POLR2M: variants seen among roughly 807,000 people sequenced by gnomAD.
The protein encoded by POLR2M is RNA polymerase II subunit M.
A neutral mutation model predicts 34.6 loss-of-function variants in POLR2M; 30 were observed. The ratio of observed to expected loss-of-function variants is 0.87; its 90% CI spans 0.65 to 1.18. POLR2M has a LOEUF of 1.18. POLR2M is among the 50% of genes most tolerant of loss of function. The pLI is 0.00. For missense variants in POLR2M, 432 were observed against 448.7 expected, an observed-to-expected ratio of 0.96 and a Z score of 0.34; for synonymous variants, 150 against 166.7, an observed-to-expected ratio of 0.90 and a Z score of 0.77.
Position 57,706,785 on chromosome 15 carries a change from G to A in POLR2M, c.-58G>A, listed in dbSNP as rs1353030736. On this transcript the variant is annotated 5_prime_UTR_variant, in exon 1 of 4. Coordinates refer to ENST00000299638, the MANE Select transcript of POLR2M (RefSeq NM_015532.5). The stretch of plus-strand genomic sequence containing the variant: ...GCCGTCCGCGGATCCGGCGCTAGTA[G>A]CGGGGCCTGCCGAGGAAGCCGAGTG... 1 of 1,530,654 alleles carries A rather than the reference G, an allele frequency of 6.5e-7. No homozygotes were observed. Among genetic ancestry groups the A allele is most frequent in the Admixed American group, 2.0e-5 (1 of 50,158 alleles). 94.8% of individuals were successfully genotyped at this position (1,530,654 alleles called of 1,614,324 possible). A position where few individuals can be genotyped will look rare whatever the true frequency, so the allele number is the denominator to read the frequency against.
At position 57,706,768 on chromosome 15, in the gene POLR2M, C is replaced by G. The variant is rs1172724757; in HGVS notation, c.-75C>G. The G allele has an allele frequency of 1.3e-6, 2 of 1,498,334 alleles. No homozygotes were observed. The highest frequency in any genetic ancestry group is 2.1e-5 in the Admixed American group (1 of 46,996). The allele number at this position is 1,498,334 out of a possible 1,614,324, so 92.8% of individuals were successfully genotyped here. On this transcript the variant is annotated 5_prime_UTR_variant, in exon 1 of 4. Coordinates refer to ENST00000299638, the MANE Select transcript of POLR2M (RefSeq NM_015532.5). ...CGTGCCCCGGAGTCACCGCCGTCCG[C>G]GGATCCGGCGCTAGTAGCGGGGCCT... is the stretch of plus-strand genomic sequence containing the variant.
In POLR2M at chr15:57,714,560, C is replaced by T; in HGVS notation, c.988C>T (p.Gln330Ter). The change falls in exon 4 of 4, where the codon CAA (glutamine) becomes TAA (stop). Residue 330 changes from glutamine to a stop codon, truncating the protein, a stop_gained. Coordinates refer to ENST00000299638, the MANE Select transcript of POLR2M (RefSeq NM_015532.5). LOFTEE classifies it high-confidence loss of function. ...YEEMQAKLAA[Q>*]KLAERLNIKM... is the part of the protein sequence containing the mutation. ...GGAGATGCAAGCAAAGCTCGCAGCG[C>T]AAAAATTAGCTGAAAGACTGAATAT... The T allele has an allele frequency of 1.9e-6, 3 of 1,613,698 alleles. No individual in the cohort carries two copies. Among genetic ancestry groups the T allele is most frequent in the Non-Finnish European group, 2.5e-6 (3 of 1,179,826 alleles).
At position 57,716,842 on chromosome 15, in the gene POLR2M, C is replaced by T. The variant is rs2040966718; in HGVS notation, c.*2163C>T. The T allele has an allele frequency of 6.6e-6, 1 of 152,208 alleles. No individual in the cohort carries two copies. Among genetic ancestry groups the T allele is most frequent in the Non-Finnish European group, 1.5e-5 (1 of 68,002 alleles). 9.4% of individuals were successfully genotyped at this position (152,208 alleles called of 1,614,324 possible). A position where few individuals can be genotyped will look rare whatever the true frequency, so the allele number is the denominator to read the frequency against. On this transcript the variant is annotated 3_prime_UTR_variant, in exon 4 of 4. Coordinates refer to ENST00000299638, the MANE Select transcript of POLR2M (RefSeq NM_015532.5). ...AGAAGTTGTTTTCTTTAGGAGTCTA[C>T]CTTTGTGTATGTGCTTGAAAGTATT...
In POLR2M at chr15:57,709,042, T is replaced by A; in HGVS notation, c.442T>A (p.Tyr148Asn). 6.2e-7 allele frequency: 1 copy of A among 1,614,018 alleles called. No individual in the cohort carries two copies. Among genetic ancestry groups the A allele is most frequent in the Non-Finnish European group, 8.5e-7 (1 of 1,179,978 alleles). Residue 148 changes from tyrosine (Y) to asparagine (N), a missense_variant, in exon 2 of 4, where the codon TAC becomes AAC. Physicochemically the swap from Tyr to Asn is moderately radical, Grantham distance 143. Transcript: ENST00000299638. ...EGDEETSEVE[Y>N]TVNKGPASSN... Reference sequence around the variant, plus strand: ...TGATGAAGAGACTTCAGAGGTTGAGTACACAGTGAATAAGGGCCCAGCTTC... The same window carrying A: ...TGATGAAGAGACTTCAGAGGTTGAGAACACAGTGAATAAGGGCCCAGCTTC...
In POLR2M at chr15:57,708,924, T is replaced by G. The variant is rs765608765; in HGVS notation, c.324T>G (p.Thr108=). The change falls in exon 2 of 4, where the codon ACT becomes ACG. Residue 108 remains threonine (T), a synonymous_variant. Coordinates refer to ENST00000299638, the MANE Select transcript of POLR2M (RefSeq NM_015532.5). ...AGAATTCTGACCCGATACTTGATAC[T>G]TCATCACTAGTTCCTGGATGTTCCT... ...KAQNSDPILD[T]SSLVPGCSSV... The G allele has an allele frequency of 6.2e-7, 1 of 1,614,142 alleles. No homozygotes were observed. Among genetic ancestry groups the G allele is most frequent in the Non-Finnish European group, 8.5e-7 (1 of 1,180,004 alleles).
At chr15:57,707,275 C>T (rs2040530344) in intron 1 of POLR2M, 2 of 870,738 alleles carry the variant, frequency 2.3e-6, no homozygotes, top group Non-Finnish European at 1.7e-6. Context: ...CCTTTTGTCG[C>T]CCGCACCCCT....
chr15:57,707,153 T>TGCGAGGATA, intron 1 of POLR2M, 198 bp downstream of exon 1: 1 of 1,520,654 alleles, frequency 6.6e-7, no homozygotes, highest in Non-Finnish European at 8.9e-7. Flanking sequence ...CACGTATGCC[T>TGCGAGGATA]GCGAGGATAG....
rs774808169 is a variant in POLR2M at position 57,712,053 on chromosome 15, G to C, written c.828G>C (p.Glu276Asp). 6 of 1,614,098 alleles carry C rather than the reference G, an allele frequency of 3.7e-6. No individual in the cohort carries two copies. Among genetic ancestry groups the C allele is most frequent in the East Asian group, 4.5e-5 (2 of 44,878 alleles). ...QKSGSPISSE[E>D]RRRRDKQHLD... ...GTGGGTCTCCTATTTCCTCAGAAGAGCGGCGGCGCAGGGATAAGCAGCATC... is the reference window on the plus strand; with the variant it reads ...GTGGGTCTCCTATTTCCTCAGAAGACCGGCGGCGCAGGGATAAGCAGCATC... The change falls in exon 3 of 4, where the codon GAG becomes GAC. Residue 276 changes from glutamate to aspartate, a missense_variant. Glu to Asp is a conservative substitution (Grantham distance 45). Coordinates refer to ENST00000299638, the MANE Select transcript of POLR2M (RefSeq NM_015532.5).
chr15:57,714,584 A>T lies in POLR2M; in HGVS notation c.1012A>T (p.Ile338Phe), dbSNP rs374303069. Reference protein sequence around the residue: ...AAQKLAERLNIKMRSYNPEGE... With the variant: ...AAQKLAERLNFKMRSYNPEGE... ...GCAAAAATTAGCTGAAAGACTGAAT[A>T]TTAAAATGCGGAGTTATAATCCAGA... Residue 338 changes from isoleucine (I) to phenylalanine (F), a missense_variant, in exon 4 of 4, where the codon ATT becomes TTT. Coordinates refer to ENST00000299638, the MANE Select transcript of POLR2M (RefSeq NM_015532.5). 5.0e-6 allele frequency: 8 copies of T among 1,613,740 alleles called. No individual in the cohort carries two copies. Among genetic ancestry groups the T allele is most frequent in the Non-Finnish European group, 5.1e-6 (6 of 1,179,886 alleles).
intron 1 of POLR2M, chr15:57,707,468 C>T (rs1274417714): frequency 3.7e-6 from 2 of 545,236 alleles, no homozygotes; most frequent in Non-Finnish European, 3.5e-6. Flanking sequence ...GTTTTTTAGG[C>T]AGCTTTGTTC....
chr15:57,714,910 A>G lies in POLR2M; in HGVS notation c.*231A>G, dbSNP rs150905065. 3.2e-4 allele frequency: 195 copies of G among 606,222 alleles called. No individual in the cohort carries two copies. The African/African-American group carries it at 3.3e-3, about 10-fold the overall frequency. The allele number at this position is 606,222 out of a possible 1,614,324, so 37.6% of individuals were successfully genotyped here. ...ACATGGTATTAAAATTTTGCAATAT[A>G]TTGTGTATTGGTCTGATATTTTAGT... On this transcript the variant is annotated 3_prime_UTR_variant, in exon 4 of 4. Coordinates refer to ENST00000299638, the MANE Select transcript of POLR2M (RefSeq NM_015532.5).
At chr15:57,707,047 T>A (rs1567264370) in intron 1 of POLR2M, 92 bp downstream of exon 1, 1 of 1,551,726 alleles carries the variant, frequency 6.4e-7, no homozygotes, top group African/African-American at 1.4e-5. Context: ...TTCCCTTCCC[T>A]GGAAGGTGAC....
Position 57,706,892 on chromosome 15 carries a change from C to T in POLR2M, c.50C>T (p.Ala17Val), listed in dbSNP as rs749178722. Residue 17 changes from alanine to valine, a missense_variant, in exon 1 of 4, where the codon GCG (alanine) becomes GTG (valine). Transcript: ENST00000299638. ...GAGCCCCAAGCTCCCGAGGACTTGG[C>T]GCAGCGGAGTTTGGTGGAGCTGCGG... ...GFEPQAPEDLAQRSLVELREM... is the reference protein window; with the variant it reads ...GFEPQAPEDLVQRSLVELREM... 2 of 1,599,524 alleles carry T rather than the reference C, an allele frequency of 1.3e-6. No homozygotes were observed. The highest frequency in any genetic ancestry group is 1.3e-5 in the African/African-American group (1 of 74,878).
chr15:57,706,772 T>G lies in POLR2M; in HGVS notation c.-71T>G, dbSNP rs960144760. 1 of 1,509,340 alleles carries G rather than the reference T, an allele frequency of 6.6e-7. No homozygotes were observed. Among genetic ancestry groups the G allele is most frequent in the Non-Finnish European group, 8.9e-7 (1 of 1,118,216 alleles). 93.5% of individuals were successfully genotyped at this position (1,509,340 alleles called of 1,614,324 possible). A position where few individuals can be genotyped will look rare whatever the true frequency, so the allele number is the denominator to read the frequency against. The stretch of plus-strand genomic sequence containing the variant: ...CCCCGGAGTCACCGCCGTCCGCGGA[T>G]CCGGCGCTAGTAGCGGGGCCTGCCG... On this transcript the variant is annotated 5_prime_UTR_variant, in exon 1 of 4. Coordinates refer to ENST00000299638, the MANE Select transcript of POLR2M (RefSeq NM_015532.5).
Position 57,706,746 on chromosome 15 carries a change from G to T in POLR2M, c.-97G>T. On this transcript the variant is annotated 5_prime_UTR_variant, in exon 1 of 4. Coordinates refer to ENST00000299638, the MANE Select transcript of POLR2M (RefSeq NM_015532.5). ...CGGGAAAATGGCGACTCCCGCTCGTGCCCCGGAGTCACCGCCGTCCGCGGA... is the reference window on the plus strand; with the variant it reads ...CGGGAAAATGGCGACTCCCGCTCGTTCCCCGGAGTCACCGCCGTCCGCGGA... 4 of 1,389,284 alleles carry T rather than the reference G, an allele frequency of 2.9e-6. No individual in the cohort carries two copies. The highest frequency in any genetic ancestry group is 3.9e-6 in the Non-Finnish European group (4 of 1,019,198). The allele number at this position is 1,389,284 out of a possible 1,614,324, so 86.1% of individuals were successfully genotyped here.
rs868673082 is a variant in POLR2M at position 57,716,681 on chromosome 15, A to T, written c.*2002A>T. On this transcript the variant is annotated 3_prime_UTR_variant, in exon 4 of 4. Coordinates refer to ENST00000299638, the MANE Select transcript of POLR2M (RefSeq NM_015532.5). Reference sequence around the variant, plus strand: ...ATTCTTTTGAGAATTGCTCATTCATATTTTTTCTGTTGCTTGCTTGGAGAA... The same window carrying T: ...ATTCTTTTGAGAATTGCTCATTCATTTTTTTTCTGTTGCTTGCTTGGAGAA... The T allele has an allele frequency of 6.6e-6, 1 of 152,168 alleles. No homozygotes were observed. The highest frequency in any genetic ancestry group is 2.4e-5 in the African/African-American group (1 of 41,436). 9.4% of individuals were successfully genotyped at this position (152,168 alleles called of 1,614,324 possible).
chr15:57,711,764 C>T (rs1239623312), intron 2 of POLR2M, among the ~76,000 whole-genome samples: 1 of 145,184 alleles, frequency 6.9e-6, no homozygotes, highest in Non-Finnish European at 1.5e-5. Context: ...AAAAAAAACT[C>T]CAGATGAAAT....
rs1362348283 is a variant in POLR2M, at chr15:57,716,839, C to T, written c.*2160C>T. The T allele has an allele frequency of 2.0e-5, 3 of 152,132 alleles. No individual in the cohort carries two copies. Among genetic ancestry groups the T allele is most frequent in the Non-Finnish European group, 4.4e-5 (3 of 68,020 alleles). The allele number at this position is 152,132 out of a possible 1,614,324, so 9.4% of individuals were successfully genotyped here. On this transcript the variant is annotated 3_prime_UTR_variant, in exon 4 of 4. Coordinates refer to ENST00000299638, the MANE Select transcript of POLR2M (RefSeq NM_015532.5). ...TATAGAAGTTGTTTTCTTTAGGAGT[C>T]TACCTTTGTGTATGTGCTTGAAAGT...
rs1349592307 is a variant in POLR2M at position 57,706,899 on chromosome 15, G to C, written c.57G>C (p.Arg19=). 1 of 1,601,238 alleles carries C rather than the reference G, an allele frequency of 6.2e-7. No homozygotes were observed. The highest frequency in any genetic ancestry group is 8.5e-7 in the Non-Finnish European group (1 of 1,173,780). ...AAGCTCCCGAGGACTTGGCGCAGCG[G>C]AGTTTGGTGGAGCTGCGGGAAATGT... ...EPQAPEDLAQ[R]SLVELREMLK... is the part of the protein sequence containing the mutation. Residue 19 remains arginine, a synonymous_variant, in exon 1 of 4, where the codon CGG becomes CGC. Transcript: ENST00000299638.
Sources: allele counts gnomAD v4.1 joint callset (sites outside exome capture counted in the v4.1 genomes callset), GRCh38; gene constraint gnomAD v4.1.1; transcripts MANE v1.5; gene names NCBI Gene and HGNC (gene_info 2026-07-23, HGNC 2026-07-21).